Variants in EHMT1 observed in about 807,000 individuals in gnomAD.
EHMT1 encodes the protein euchromatic histone lysine methyltransferase 1.
A neutral mutation model predicts 147.2 loss-of-function variants in EHMT1; 15 were observed. The ratio of observed to expected loss-of-function variants is 0.10; its 90% CI spans 0.07 to 0.16. The LOEUF is 0.16. EHMT1 is among the 10% of genes least tolerant of loss of function. The probability of loss-of-function intolerance (pLI) is 1.00; values close to 1 mark genes in which losing one functional copy is unlikely to be tolerated. For missense variants in EHMT1, 1,587 were observed against 1,772.4 expected (o/e 0.90, Z 1.88); for synonymous variants, 795 against 709.6 (o/e 1.12, Z -1.91).
chr9:137,800,514 G>A (rs1447565137), intron 17 of EHMT1: 1 of 316,580 alleles, frequency 3.2e-6, no homozygotes, highest in African/African-American at 2.2e-5. Flanking sequence ...GGTCTGGCCT[G>A]GGCTTACGAA....
intron 1 of EHMT1, among the ~76,000 whole-genome samples, chr9:137,655,802 T>C (rs1281365357): frequency 1.3e-5 from 2 of 152,156 alleles, no homozygotes; most frequent in Non-Finnish European, 2.9e-5. Context: ...TCTGAAGATC[T>C]GAGGTGGAAC....
rs1945379062 is a variant in EHMT1, at chr9:137,716,939, G to T, written c.399G>T (p.Gln133His). 2 of 1,612,806 alleles carry T rather than the reference G, an allele frequency of 1.2e-6. No individual in the cohort carries two copies. Among genetic ancestry groups the T allele is most frequent in the Non-Finnish European group, 1.7e-6 (2 of 1,179,852 alleles). ...ACATCTTAAATAAGCCGGCCCTACA[G>T]GCACAGCCCTTGAGGACTACCAGCA... is the stretch of plus-strand genomic sequence containing the variant. ...NGYILNKPAL[Q>H]AQPLRTTSTL... Residue 133 changes from glutamine (Q) to histidine (H), a missense_variant, in exon 3 of 27, where the codon CAG (glutamine) becomes CAT (histidine). Coordinates refer to ENST00000460843, the MANE Select transcript of EHMT1 (RefSeq NM_024757.5).
At chr9:137,795,616 G>A (rs1026683522) in intron 16 of EHMT1, among the ~76,000 whole-genome samples, 2 of 152,174 alleles carry the variant, frequency 1.3e-5, no homozygotes, top group African/African-American at 4.8e-5. Context: ...CCGGCTGGGA[G>A]TGGTTTTTGT....
intron 1 of EHMT1, among the ~76,000 whole-genome samples, chr9:137,632,413 A>T (rs529016387): frequency 6.6e-6 from 1 of 152,252 alleles, no homozygotes; most frequent in South Asian, 2.1e-4. Context: ...ATGCATGAAG[A>T]CGTAGTCTGA....
chr9:137,834,310 C>T (rs1204230218), intron 25 of EHMT1, 39 bp from the exon 26 acceptor site: 3 of 1,610,530 alleles, frequency 1.9e-6, no homozygotes, highest in Non-Finnish European at 2.5e-6. Context: ...GTGTCGGGGC[C>T]TTGCTAACTG....
rs893773589 is a variant in EHMT1, at chr9:137,657,159, A to G, written c.21+38110A>G. ...CTTGTGTGTTATGGCCGGTGTAGAC[A>G]AGGAAGGGCACATGGGCAGTGGTGT... On this transcript the variant is annotated intron_variant, in intron 1 of 26. Coordinates refer to ENST00000460843, the MANE Select transcript of EHMT1 (RefSeq NM_024757.5). Among the ~76,000 whole-genome samples, 3 of 152,178 alleles carry G rather than the reference A, an allele frequency of 2.0e-5. No individual in the cohort carries two copies. In the South Asian group the frequency reaches 6.2e-4, roughly 32 times the overall value.
chr9:137,822,555 T>C (rs768814959), intron 25 of EHMT1, among the ~76,000 whole-genome samples: 2 of 152,098 alleles, frequency 1.3e-5, no homozygotes, highest in Admixed American at 6.5e-5. Context: ...TCTTTTCATA[T>C]GTGTGTTGCC....
chr9:137,766,300 C>T (rs1193691417), intron 10 of EHMT1, among the ~76,000 whole-genome samples: 1 of 152,120 alleles, frequency 6.6e-6, no homozygotes, highest in African/African-American at 2.4e-5. Flanking sequence ...ATTCATTGTT[C>T]ACTGGAATGG....
intron 1 of EHMT1, among the ~76,000 whole-genome samples, chr9:137,623,204 C>G (rs1259350108): frequency 6.7e-6 from 1 of 149,502 alleles, no homozygotes; most frequent in Non-Finnish European, 1.5e-5. Context: ...CAGAGCAAGA[C>G]TCCGTCTCAA....
intron 1 of EHMT1, among the ~76,000 whole-genome samples, chr9:137,654,837 G>C (rs1287215380): frequency 6.6e-6 from 1 of 152,192 alleles, no homozygotes; most frequent in African/African-American, 2.4e-5. Context: ...TGAGCCCACA[G>C]GGTGGTCAGA....
chr9:137,706,985 C>T (rs1381697139), intron 1 of EHMT1, among the ~76,000 whole-genome samples: 15 of 151,666 alleles, frequency 9.9e-5, no homozygotes, highest in Admixed American at 9.2e-4. Flanking sequence ...CCACCACTCC[C>T]GGCTAATTTT....
rs1197523695 is a variant in EHMT1, at chr9:137,732,461, C to T, written c.823+3932C>T. The stretch of plus-strand genomic sequence containing the variant: ...TATTGAGCAGCAGAACAGCTCTCAG[C>T]GGAGAGGAGACCCAAAGTCAGTAGC... On this transcript the variant is annotated intron_variant, in intron 4 of 26. Coordinates refer to ENST00000460843, the MANE Select transcript of EHMT1 (RefSeq NM_024757.5). The surrounding 1 kb of genome is among the most constrained non-coding windows in gnomAD (Gnocchi z 4.6). 2.0e-5 allele frequency among the ~76,000 whole-genome samples: 3 copies of T among 152,160 alleles called. No individual in the cohort carries two copies. Among genetic ancestry groups the T allele is most frequent in the Non-Finnish European group, 4.4e-5 (3 of 68,032 alleles).
intron 17 of EHMT1, chr9:137,800,536 C>T (rs892180764): frequency 5.0e-5 from 17 of 342,394 alleles, no homozygotes; most frequent in African/African-American, 6.3e-5. Context: ...TTTCAGCTCC[C>T]GTGTGTGTGC....
At chr9:137,715,219 A>G (rs1363239919) in intron 2 of EHMT1, among the ~76,000 whole-genome samples, 1 of 152,168 alleles carries the variant, frequency 6.6e-6, no homozygotes, top group Non-Finnish European at 1.5e-5. Context: ...CTGCCTTTTT[A>G]TGTCAGACAC....
intron 3 of EHMT1, among the ~76,000 whole-genome samples, chr9:137,724,955 TGGCATTCATGG>T (rs1307558529): frequency 6.9e-6 from 1 of 145,070 alleles, no homozygotes; most frequent in Non-Finnish European, 1.5e-5. Flanking sequence ...GGCAGGCGTG[TGGCATTCATGG>T]GGCATTCGTG....
intron 25 of EHMT1, among the ~76,000 whole-genome samples, chr9:137,825,168 C>A (rs1317678016): frequency 6.6e-6 from 1 of 152,210 alleles, no homozygotes. Context: ...TGAAGGCCAG[C>A]AGGAGAATGT....
At chr9:137,645,767 A>T (rs1844841387) in intron 1 of EHMT1, among the ~76,000 whole-genome samples, 1 of 152,054 alleles carries the variant, frequency 6.6e-6, no homozygotes. Flanking sequence ...CTGCAGCCCC[A>T]CGTGGGCCTC....
intron 16 of EHMT1, among the ~76,000 whole-genome samples, chr9:137,798,105 TG>T (rs1953114894): frequency 6.6e-6 from 1 of 152,228 alleles, no homozygotes; most frequent in Non-Finnish European, 1.5e-5. Context: ...CTGGGCATGG[TG>T]GCTCATGCCT....
intron 25 of EHMT1, among the ~76,000 whole-genome samples, chr9:137,822,147 T>C (rs184724031): frequency 5.9e-5 from 9 of 152,360 alleles, no homozygotes; most frequent in Non-Finnish European, 1.2e-4. Context: ...TCACATTTTC[T>C]ATAAACGGAA....
Sources: allele counts gnomAD v4.1 joint callset (sites outside exome capture counted in the v4.1 genomes callset), GRCh38; gene constraint gnomAD v4.1.1; non-coding constraint Gnocchi (gnomAD v3.1); transcripts MANE v1.5; gene names NCBI Gene and HGNC (gene_info 2026-07-23, HGNC 2026-07-21).